GSN: variants seen among roughly 807,000 people sequenced by gnomAD.
The protein encoded by GSN is actin-depolymerizing factor.
A neutral mutation model predicts 85.7 loss-of-function variants in GSN; 56 were observed. That is an observed-to-expected ratio of 0.65 (90% CI 0.53 to 0.82). The LOEUF is 0.82. Among genes scored for constraint, GSN ranks in the 40% least tolerant of loss-of-function variants. The pLI is 0.00. For missense variants in GSN, 857 were observed against 979.8 expected, an observed-to-expected ratio of 0.87 and a Z score of 1.67; for synonymous variants, 373 against 399.1, an observed-to-expected ratio of 0.93 and a Z score of 0.78.
chr9:121,205,454 C>T (rs900600183), upstream of GSN, among the ~76,000 whole-genome samples: 3 of 152,162 alleles, frequency 2.0e-5, no homozygotes, highest in Non-Finnish European at 4.4e-5. Flanking sequence ...CTGCTCTGCC[C>T]TATTGCTTCC....
At chr9:121,324,792 T>TCCAA in intron 12 of GSN, 148 bp downstream of exon 12, 2 of 668,436 alleles carry the variant, frequency 3.0e-6, no homozygotes, top group Non-Finnish European at 5.5e-6. Flanking sequence ...CATCCATCCA[T>TCCAA]CCATGGAACA....
Position 121,299,810 on chromosome 9 carries a change from C to A in GSN, c.-9-2153C>A. On this transcript the variant is annotated intron_variant, in intron 2 of 17. Transcript: ENST00000432226. The surrounding 1 kb of genome is among the most constrained non-coding windows in gnomAD (Gnocchi z 4.2). Reference sequence around the variant, plus strand: ...GGATGGGCGGGCGGCTACTTAAGGTCGGCGACCCGAGGCCGCGGCTGCCGA... The same window carrying A: ...GGATGGGCGGGCGGCTACTTAAGGTAGGCGACCCGAGGCCGCGGCTGCCGA... The A allele has an allele frequency of 7.7e-7, 1 of 1,291,150 alleles. No individual in the cohort carries two copies. Among genetic ancestry groups the A allele is most frequent in the Non-Finnish European group, 9.9e-7 (1 of 1,012,400 alleles). 80.0% of individuals were successfully genotyped at this position (1,291,150 alleles called of 1,614,324 possible). A position where few individuals can be genotyped will look rare whatever the true frequency, so the allele number is the denominator to read the frequency against.
chr9:121,273,380 A>G (rs1231933725), intron 1 of GSN, among the ~76,000 whole-genome samples: 1 of 152,120 alleles, frequency 6.6e-6, no homozygotes, highest in Non-Finnish European at 1.5e-5. Context: ...TTTGGTGGGT[A>G]CTAAGTAAAT....
chr9:121,314,617 T>A (rs1182289772), intron 7 of GSN, among the ~76,000 whole-genome samples: 1 of 152,188 alleles, frequency 6.6e-6, no homozygotes. Flanking sequence ...AACTACTACA[T>A]TATCGATTTT....
intron 1 of GSN, among the ~76,000 whole-genome samples, chr9:121,273,937 A>G (rs2056338130): frequency 6.6e-6 from 1 of 152,212 alleles, no homozygotes; most frequent in Non-Finnish European, 1.5e-5. Context: ...TGTAGTTTGC[A>G]TCCATAAATA....
At chr9:121,317,674 C>CG (rs1004432995) in intron 8 of GSN, 18 of 270,326 alleles carry the variant, frequency 6.7e-5, no homozygotes, top group Non-Finnish European at 1.2e-4. Context: ...TAAACTCTTT[C>CG]GGTACTATCT....
intron 4 of GSN, among the ~76,000 whole-genome samples, chr9:121,307,533 ACCCAGCACTGCCG>A (rs918275140): frequency 8.5e-5 from 13 of 152,184 alleles, no homozygotes; most frequent in Non-Finnish European, 1.5e-5. Flanking sequence ...TGGGGATAGA[ACCCAGCACTGCCG>A]CCCAGCACTG....
chr9:121,268,803 G>T (rs576521188), intron 1 of GSN, among the ~76,000 whole-genome samples: 67 of 152,274 alleles, frequency 4.4e-4, no homozygotes, highest in African/African-American at 1.6e-3. Flanking sequence ...TGACTCACAC[G>T]GAAGCTTCTT....
intron 14 of GSN, among the ~76,000 whole-genome samples, chr9:121,327,791 T>C (rs930766678): frequency 3.9e-5 from 6 of 152,082 alleles, no homozygotes; most frequent in African/African-American, 1.4e-4. Context: ...CTGACCAACA[T>C]GGAGAAACCC....
chr9:121,242,892 T>C (rs2054632531), intron 5 of GSN, among the ~76,000 whole-genome samples: 1 of 152,172 alleles, frequency 6.6e-6, no homozygotes, highest in Non-Finnish European at 1.5e-5. Flanking sequence ...CCCTGCCTGC[T>C]CCTGGGCTTC....
At chr9:121,327,274 C>T (rs1199279345) in intron 13 of GSN, 34 bp from the exon 14 acceptor site, 2 of 1,589,000 alleles carry the variant, frequency 1.3e-6, no homozygotes, top group South Asian at 2.2e-5. Context: ...GGCTTTTTGT[C>T]TGGTTCCTGA....
chr9:121,289,653 G>A (rs10985201), intron 2 of GSN, among the ~76,000 whole-genome samples: 5,467 of 152,274 alleles, frequency 0.036, 298 homozygotes, highest in Admixed American at 0.14. Context: ...TAAAGCCCCA[G>A]TAGCCCGGTG....
intron 5 of GSN, among the ~76,000 whole-genome samples, chr9:121,240,368 G>A (rs1257575205): frequency 1.3e-5 from 2 of 152,196 alleles, no homozygotes; most frequent in Admixed American, 6.5e-5. Context: ...TCTGCAATCA[G>A]CTCTTGGGTG....
chr9:121,332,718 G>T lies in GSN; in HGVS notation c.*115G>T. On this transcript the variant is annotated 3_prime_UTR_variant, in exon 18 of 18. Coordinates refer to ENST00000432226, the MANE Select transcript of GSN (RefSeq NM_198252.3). The surrounding 1 kb of genome is among the most constrained non-coding windows in gnomAD (Gnocchi z 4.8). ...GCTATGAGTGTGTGTGTGTGTGTGT[G>T]TTGTTTCTTTTTTTTTTTTTTACAG... 6 of 694,198 alleles carry T rather than the reference G, an allele frequency of 8.6e-6. No individual in the cohort carries two copies. Among genetic ancestry groups the T allele is most frequent in the African/African-American group, 3.7e-5 (2 of 54,666 alleles). The allele number at this position is 694,198 out of a possible 1,614,324, so 43.0% of individuals were successfully genotyped here.
chr9:121,273,900 AG>A (rs2056330498), intron 1 of GSN, among the ~76,000 whole-genome samples: 1 of 152,216 alleles, frequency 6.6e-6, no homozygotes, highest in Admixed American at 6.5e-5. Context: ...TCACCCCCAA[AG>A]AACCAAGACT....
chr9:121,221,109 G>A (rs539699597), intron 4 of GSN, among the ~76,000 whole-genome samples: 2 of 152,298 alleles, frequency 1.3e-5, no homozygotes, highest in South Asian at 4.1e-4. Flanking sequence ...CACTCATTCT[G>A]GCAGAGACCC....
At chr9:121,275,587 G>C (rs1386019868) in intron 1 of GSN, among the ~76,000 whole-genome samples, 1 of 152,118 alleles carries the variant, frequency 6.6e-6, no homozygotes, top group Admixed American at 6.6e-5. Context: ...GCTTTTGTGG[G>C]CTAGCCTGTA....
intron 7 of GSN, among the ~76,000 whole-genome samples, chr9:121,314,523 G>T (rs1294096922): frequency 1.3e-5 from 2 of 152,148 alleles, no homozygotes; most frequent in Admixed American, 6.5e-5. Flanking sequence ...CTGGGAGAAA[G>T]CTCAATCACA....
At chr9:121,325,852 T>A (rs994404752) in intron 12 of GSN, among the ~76,000 whole-genome samples, 1 of 152,068 alleles carries the variant, frequency 6.6e-6, no homozygotes, top group Admixed American at 6.6e-5. Flanking sequence ...CGTGCCCAAG[T>A]TCTCACCATC....
Sources: gnomAD v4.1 joint callset for allele counts (sites outside exome capture counted in the v4.1 genomes callset) on GRCh38, gnomAD v4.1.1 for gene constraint, Gnocchi (gnomAD v3.1) non-coding constraint, MANE v1.5 for transcripts, NCBI Gene and HGNC (gene_info 2026-07-23, HGNC 2026-07-21) for gene names.